TMEM201: variants seen among roughly 807,000 people sequenced by gnomAD.
TMEM201 encodes the protein RP13-15M17.2.
Under a neutral mutation model 63.4 loss-of-function variants are expected in TMEM201, and 26 were observed. The observed-to-expected ratio is 0.41, with a 90% confidence interval of 0.30 to 0.57. TMEM201 has a LOEUF of 0.57. Among genes scored for constraint, TMEM201 ranks in the 20% least tolerant of loss-of-function variants. The probability of loss-of-function intolerance (pLI) is 0.29; values close to 1 mark genes in which losing one functional copy is unlikely to be tolerated. For synonymous variants in TMEM201, 417 were observed against 421.6 expected, an observed-to-expected ratio of 0.99 and a Z score of 0.14; for missense variants, 794 against 917.7, an observed-to-expected ratio of 0.87 and a Z score of 1.74.
chr1:9,608,235 C>T lies in TMEM201; in HGVS notation c.1393+446C>T, dbSNP rs552692544. The stretch of plus-strand genomic sequence containing the variant: ...CATGGGCAACAGAGCAAGACCCTGT[C>T]TCAACAAAAATAAAAATAAAGTGCC... On this transcript the variant is annotated intron_variant, in intron 7 of 10. Coordinates refer to ENST00000340381, the MANE Select transcript of TMEM201 (RefSeq NM_001130924.3). The surrounding 1 kb of genome is among the most constrained non-coding windows in gnomAD (Gnocchi z 4.3). 2.6e-5 allele frequency among the ~76,000 whole-genome samples: 4 copies of T among 152,186 alleles called. No homozygotes were observed. In the South Asian group the frequency reaches 8.3e-4, roughly 32 times the overall value.
chr1:9,589,403 G>T (rs1486409041), intron 1 of TMEM201, among the ~76,000 whole-genome samples: 1 of 152,222 alleles, frequency 6.6e-6, no homozygotes, highest in Admixed American at 6.5e-5. Flanking sequence ...GCGGCTGGCG[G>T]TTGCTGCTCG....
At position 9,607,596 on chromosome 1, in the gene TMEM201, C is replaced by G. The variant is rs1305665078; in HGVS notation, c.1200C>G (p.Ser400Arg). Residue 400 changes from serine (S) to arginine (R), a missense_variant, in exon 7 of 11, where the codon AGC (serine) becomes AGG (arginine). Physicochemically the swap from Ser to Arg is moderately radical, Grantham distance 110. Coordinates refer to ENST00000340381, the MANE Select transcript of TMEM201 (RefSeq NM_001130924.3). The surrounding 1 kb of genome is among the most constrained non-coding windows in gnomAD (Gnocchi z 5.4). ...PGDSAGLFPT[S>R]PSLAIPHPSV... ...ACTCTGCCGGCCTTTTCCCCACCAGCCCCAGCTTGGCCATCCCTCACCCGA... is the reference window on the plus strand; with the variant it reads ...ACTCTGCCGGCCTTTTCCCCACCAGGCCCAGCTTGGCCATCCCTCACCCGA... The G allele has an allele frequency of 1.3e-6, 2 of 1,551,538 alleles. No individual in the cohort carries two copies. The highest frequency in any genetic ancestry group is 8.7e-7 in the Non-Finnish European group (1 of 1,146,932).
In TMEM201 at chr1:9,610,963, AC is replaced by A. The variant is rs1644316618; in HGVS notation, c.1765+161del. On this transcript the variant is annotated intron_variant, in intron 9 of 10. Coordinates refer to ENST00000340381, the MANE Select transcript of TMEM201 (RefSeq NM_001130924.3). This position sits in a 1 kb window ranked among gnomAD's most constrained non-coding sequence, Gnocchi z 4.9. Reference sequence around the variant, plus strand: ...CCCCATTCCGGCTCTGGTGACTTGAACCCTCTGGGACATTGACCTCTAATGG... The same window carrying A: ...CCCCATTCCGGCTCTGGTGACTTGAACCTCTGGGACATTGACCTCTAATGG... 5.9e-6 allele frequency: 9 copies of A among 1,516,188 alleles called. No homozygotes were observed. The highest frequency in any genetic ancestry group is 6.2e-6 in the Non-Finnish European group (7 of 1,134,706). 93.9% of individuals were successfully genotyped at this position (1,516,188 alleles called of 1,614,324 possible). A position where few individuals can be genotyped will look rare whatever the true frequency, so the allele number is the denominator to read the frequency against.
chr1:9,601,251 A>C lies in TMEM201; in HGVS notation c.753A>C (p.Pro251=). ...APGTTVPLAL[P]PGGNGSATPD... ...GCACCACTGTGCCCCTGGCCCTGCC[A>C]CCTGGTGGCAATGGCTCAGCCACAC... The change falls in exon 5 of 11, where the codon CCA becomes CCC. Residue 251 remains proline, a synonymous_variant. Coordinates refer to ENST00000340381, the MANE Select transcript of TMEM201 (RefSeq NM_001130924.3). The C allele has an allele frequency of 6.2e-7, 1 of 1,611,092 alleles. No homozygotes were observed. The highest frequency in any genetic ancestry group is 8.5e-7 in the Non-Finnish European group (1 of 1,179,752).
intron 1 of TMEM201, among the ~76,000 whole-genome samples, chr1:9,593,587 C>T (rs1168315334): frequency 3.3e-5 from 5 of 152,160 alleles, no homozygotes; most frequent in African/African-American, 9.7e-5. Context: ...ATCAGTGGAG[C>T]CATTTCCCTA....
At position 9,605,831 on chromosome 1, in the gene TMEM201, C is replaced by T. The variant is rs1287110411; in HGVS notation, c.1161-1726C>T. ...CCAGCCACTCCTGCTAGAGCCCACC[C>T]TTTGGGGCCAGGAGCTGCGTGGCCC... On this transcript the variant is annotated intron_variant, in intron 6 of 10. Coordinates refer to ENST00000340381, the MANE Select transcript of TMEM201 (RefSeq NM_001130924.3). This position sits in a 1 kb window ranked among gnomAD's most constrained non-coding sequence, Gnocchi z 5.7. 1.3e-5 allele frequency among the ~76,000 whole-genome samples: 2 copies of T among 152,232 alleles called. No homozygotes were observed. Among genetic ancestry groups the T allele is most frequent in the African/African-American group, 4.8e-5 (2 of 41,462 alleles).
At chr1:9,612,598 C>T (rs1231065207) in intron 10 of TMEM201, among the ~76,000 whole-genome samples, 1 of 152,242 alleles carries the variant, frequency 6.6e-6, no homozygotes, top group Non-Finnish European at 1.5e-5. Context: ...CTGCGGCATG[C>T]AGCAGGTGGA....
chr1:9,611,704 C>G, intron 9 of TMEM201, 49 bp from the exon 10 acceptor site: 2 of 1,550,510 alleles, frequency 1.3e-6, no homozygotes, highest in Non-Finnish European at 1.7e-6. Context: ...GCGTCTGTCC[C>G]TGGAGGGAGC....
chr1:9,601,571 T>G lies in TMEM201; in HGVS notation c.956+117T>G, dbSNP rs1048155939. On this transcript the variant is annotated intron_variant, in intron 5 of 10. Transcript: ENST00000340381. ...CACAGCCCTAGGCTGAACTCCACCA[T>G]GTCACTGGTACAAGGCTTGGTCCCA... 3 of 1,001,422 alleles carry G rather than the reference T, an allele frequency of 3.0e-6. No individual in the cohort carries two copies. The East Asian group carries it at 7.9e-5, about 26-fold the overall frequency. The allele number at this position is 1,001,422 out of a possible 1,614,324, so 62.0% of individuals were successfully genotyped here.
In TMEM201 at chr1:9,589,932, G is replaced by A. The variant is rs969218231; in HGVS notation, c.113+889G>A. Among the ~76,000 whole-genome samples, 6 of 152,248 alleles carry A rather than the reference G, an allele frequency of 3.9e-5. 1 individual carries two copies. Among genetic ancestry groups the A allele is most frequent in the Admixed American group, 2.0e-4 (3 of 15,280 alleles). On this transcript the variant is annotated intron_variant, in intron 1 of 10. Coordinates refer to ENST00000340381, the MANE Select transcript of TMEM201 (RefSeq NM_001130924.3). ...AGGGGAGAAGGGACTTGCCCACTCA[G>A]CAGCAAGTGGCAGAGCTGGGGTTTG...
chr1:9,590,240 G>A lies in TMEM201; in HGVS notation c.113+1197G>A, dbSNP rs547084115. Among the ~76,000 whole-genome samples the A allele has an allele frequency of 3.9e-5, 6 of 152,282 alleles. No homozygotes were observed. The South Asian group carries it at 1.2e-3, about 32-fold the overall frequency. On this transcript the variant is annotated intron_variant, in intron 1 of 10. Transcript: ENST00000340381. ...GATTCCTGGAAGTTGAGCATCTGCA[G>A]GACCAGCTTGTCCAAGCCGGTGGTT...
At chr1:9,590,819 C>G (rs1015336193) in intron 1 of TMEM201, among the ~76,000 whole-genome samples, 3 of 152,208 alleles carry the variant, frequency 2.0e-5, no homozygotes, top group African/African-American at 7.2e-5. Context: ...GATTCAGAAG[C>G]CAGACCAACC....
At position 9,611,827 on chromosome 1, in the gene TMEM201, T is replaced by C; in HGVS notation, c.1840T>C (p.Ser614Pro). ...SIKKEDDSSQ[S>P]STCVVDTTTR... ...CAAGAAAGAGGACGACTCTTCCCAG[T>C]CATCTACCTGTGTGGTGGACACCAC... The change falls in exon 10 of 11, where the codon TCA (serine) becomes CCA (proline). Residue 614 changes from serine (S) to proline (P), a missense_variant. Coordinates refer to ENST00000340381, the MANE Select transcript of TMEM201 (RefSeq NM_001130924.3). 6.4e-7 allele frequency: 1 copy of C among 1,550,688 alleles called. No homozygotes were observed. The highest frequency in any genetic ancestry group is 1.2e-5 in the South Asian group (1 of 84,038).
rs757199723 is a variant in TMEM201 at position 9,603,788 on chromosome 1, C to T, written c.1160+1516C>T. ...GCTTCACAAGTGAGGAACCCAGGTGCATCGGGAGACCCTCGGGGGCTTCTG... is the reference window on the plus strand; with the variant it reads ...GCTTCACAAGTGAGGAACCCAGGTGTATCGGGAGACCCTCGGGGGCTTCTG... On this transcript the variant is annotated intron_variant, in intron 6 of 10. Transcript: ENST00000340381. This position sits in a 1 kb window ranked among gnomAD's most constrained non-coding sequence, Gnocchi z 4.5. 8.1e-6 allele frequency: 8 copies of T among 985,362 alleles called. No individual in the cohort carries two copies. The highest frequency in any genetic ancestry group is 9.6e-6 in the Non-Finnish European group (8 of 829,954). The allele number at this position is 985,362 out of a possible 1,614,324, so 61.0% of individuals were successfully genotyped here.
chr1:9,595,910 T>C lies in TMEM201; in HGVS notation c.134T>C (p.Met45Thr). The C allele has an allele frequency of 5.6e-6, 9 of 1,613,624 alleles. No individual in the cohort carries two copies. Among genetic ancestry groups the C allele is most frequent in the Non-Finnish European group, 7.6e-6 (9 of 1,179,988 alleles). The change falls in exon 2 of 11, where the codon ATG becomes ACG. Residue 45 changes from methionine (M) to threonine (T), a missense_variant. Met to Thr is a moderately conservative substitution (Grantham distance 81, BLOSUM62 -1). Coordinates refer to ENST00000340381, the MANE Select transcript of TMEM201 (RefSeq NM_001130924.3). ...CACAGGATGAAGCCAACGCACACGA[T>C]GGTCAACTGCTGGTTCTGCAACCAG... Reference protein sequence around the residue: ...IARRMKPTHTMVNCWFCNQDT... With the variant: ...IARRMKPTHTTVNCWFCNQDT...
intron 5 of TMEM201, 26 bp from the exon 6 acceptor site, chr1:9,602,043 G>T: frequency 1.2e-6 from 2 of 1,604,698 alleles, no homozygotes; most frequent in Non-Finnish European, 1.7e-6. Context: ...TCCTCCCCTG[G>T]GGTGACCCCG....
chr1:9,602,579 C>T (rs1193770356), intron 6 of TMEM201: 1 of 1,301,106 alleles, frequency 7.7e-7, no homozygotes, highest in Non-Finnish European at 9.9e-7. Flanking sequence ...GCAGCGCCCA[C>T]ACAGGCTCTG....
At position 9,590,029 on chromosome 1, in the gene TMEM201, G is replaced by A. The variant is rs531768689; in HGVS notation, c.113+986G>A. Reference sequence around the variant, plus strand: ...CGGTGCTGCTTCTCTCCTCCAGGGGGGAAACGGGGAAAAAGAAGTACAGGT... The same window carrying A: ...CGGTGCTGCTTCTCTCCTCCAGGGGAGAAACGGGGAAAAAGAAGTACAGGT... On this transcript the variant is annotated intron_variant, in intron 1 of 10. Transcript: ENST00000340381. 3.9e-5 allele frequency among the ~76,000 whole-genome samples: 6 copies of A among 152,290 alleles called. No individual in the cohort carries two copies. The East Asian group carries it at 1.2e-3, about 29-fold the overall frequency.
intron 2 of TMEM201, among the ~76,000 whole-genome samples, chr1:9,596,389 G>A (rs4074745): frequency 0.026 from 4,017 of 152,324 alleles, 180 homozygotes; most frequent in African/African-American, 0.09. Flanking sequence ...TTTAAGCTTT[G>A]GAAGCCATTT....
Sources: allele counts gnomAD v4.1 joint callset (sites outside exome capture counted in the v4.1 genomes callset), GRCh38; gene constraint gnomAD v4.1.1; non-coding constraint Gnocchi (gnomAD v3.1); transcripts MANE v1.5; gene names NCBI Gene and HGNC (gene_info 2026-07-23, HGNC 2026-07-21).